Variants in EXOC4 observed in about 807,000 individuals in gnomAD.
The protein encoded by EXOC4 is exocyst complex component 4.
In EXOC4, 71 loss-of-function variants were observed where a neutral mutation model predicts 107.2. The ratio of observed to expected loss-of-function variants is 0.66; its 90% CI spans 0.55 to 0.81. The LOEUF is 0.81. EXOC4 is among the 30% of genes least tolerant of loss of function. The pLI is 0.00. For missense variants in EXOC4, 1,108 were observed against 1,189.6 expected (o/e 0.93, Z 1.01); for synonymous variants, 456 against 441.2 (o/e 1.03, Z -0.42).
the EXOC4 span, among the ~76,000 whole-genome samples, chr7:134,087,405 T>C: frequency 1.3e-5 from 2 of 152,354 alleles, no homozygotes; most frequent in East Asian, 3.9e-4. Flanking sequence ...CAAAAGATGG[T>C]ATCTGGAAGA....
Position 133,538,872 on chromosome 7 carries a change from A to C in EXOC4, c.1417+58734A>C, listed in dbSNP as rs1313250000. Among the ~76,000 whole-genome samples, 43 of 114,284 alleles carry C rather than the reference A, an allele frequency of 3.8e-4. No individual in the cohort carries two copies. In the East Asian group the frequency reaches 0.013, roughly 34 times the overall value. The allele number at this position is 114,284 out of a possible 152,430, so 75.0% of individuals were successfully genotyped here. ...GAAAGAAAGAAAGAGAGAGAGAGAG[A>C]GAGAGAGAGAGGGAGGGAGGGAGGG... On this transcript the variant is annotated intron_variant, in intron 9 of 17. Transcript: ENST00000253861.
In EXOC4 at chr7:133,569,792, G is replaced by A. The variant is rs561918541; in HGVS notation, c.1418-60253G>A. 9.2e-5 allele frequency among the ~76,000 whole-genome samples: 14 copies of A among 151,988 alleles called. 1 individual carries two copies. The South Asian group carries it at 2.9e-3, about 32-fold the overall frequency. Reference sequence around the variant, plus strand: ...AAGATGAATATTATTCTTTTCCTTCGTAATCAAATGCCCAGGTTTCCAGGC... The same window carrying A: ...AAGATGAATATTATTCTTTTCCTTCATAATCAAATGCCCAGGTTTCCAGGC... On this transcript the variant is annotated intron_variant, in intron 9 of 17. Coordinates refer to ENST00000253861, the MANE Select transcript of EXOC4 (RefSeq NM_021807.4).
chr7:133,472,767 G>A (rs899851880), intron 7 of EXOC4, among the ~76,000 whole-genome samples: 1 of 152,138 alleles, frequency 6.6e-6, no homozygotes, highest in African/African-American at 2.4e-5. Flanking sequence ...AAAAGTGTGT[G>A]TTTGCAGATT....
At chr7:133,856,749 T>G (rs1234554037) in intron 11 of EXOC4, among the ~76,000 whole-genome samples, 1 of 152,110 alleles carries the variant, frequency 6.6e-6, no homozygotes, top group African/African-American at 2.4e-5. Flanking sequence ...TGATGCCTCT[T>G]GGGCCCTACT....
chr7:133,857,325 GTATATATATATATATATATATATATATA>G (rs71162035), intron 11 of EXOC4, among the ~76,000 whole-genome samples: 1 of 2,594 alleles, frequency 3.9e-4, no homozygotes, highest in Non-Finnish European at 6.1e-4. Context: ...ATATATACAC[GTATATATATATATATATATATATATATA>G]TATATATATA....
At chr7:133,972,918 A>G (rs1236838523) in intron 14 of EXOC4, among the ~76,000 whole-genome samples, 1 of 152,228 alleles carries the variant, frequency 6.6e-6, no homozygotes, top group African/African-American at 2.4e-5. Context: ...GAACAGACAG[A>G]TACATAGTCA....
chr7:133,642,903 C>G (rs1802894068), intron 10 of EXOC4, among the ~76,000 whole-genome samples: 1 of 152,170 alleles, frequency 6.6e-6, no homozygotes, highest in Admixed American at 6.5e-5. Flanking sequence ...TGACCTTTGA[C>G]CTCCTTCATT....
chr7:133,491,806 G>A (rs1373087526), intron 9 of EXOC4, among the ~76,000 whole-genome samples: 1 of 152,130 alleles, frequency 6.6e-6, no homozygotes, highest in Admixed American at 6.6e-5. Context: ...TTACAAAGGT[G>A]GAATTCTTAC....
chr7:133,916,505 G>A (rs1261201117), intron 12 of EXOC4, among the ~76,000 whole-genome samples: 1 of 114,668 alleles, frequency 8.7e-6, no homozygotes, highest in Non-Finnish European at 1.8e-5. Context: ...CTGGCCTCAA[G>A]CAATCCTCCT....
At chr7:133,813,502 G>C (rs188166677) in intron 10 of EXOC4, among the ~76,000 whole-genome samples, 86 of 152,182 alleles carry the variant, frequency 5.7e-4, no homozygotes, top group African/African-American at 1.7e-3. Flanking sequence ...GTTTTCTTTT[G>C]GAAGGCAACC....
chr7:133,493,358 A>G (rs1799412834), intron 9 of EXOC4, among the ~76,000 whole-genome samples: 1 of 152,140 alleles, frequency 6.6e-6, no homozygotes. Flanking sequence ...AATTACGTGA[A>G]CCCAGGAGGC....
chr7:133,381,264 G>GTAA (rs56200941), intron 7 of EXOC4, among the ~76,000 whole-genome samples: 128,859 of 151,912 alleles, frequency 0.85, 54,916 homozygotes, highest in East Asian at 0.95. Flanking sequence ...ACAGTACTGA[G>GTAA]TATTAAGCTA....
intron 3 of EXOC4, 61 bp downstream of exon 3, chr7:133,289,177 TTC>T (rs2150546447): frequency 1.4e-6 from 2 of 1,444,382 alleles, no homozygotes; most frequent in East Asian, 4.7e-5. Flanking sequence ...CTCTCTTTTA[TTC>T]TCTCTGAATC....
intron 11 of EXOC4, among the ~76,000 whole-genome samples, chr7:133,885,413 C>G (rs1799063429): frequency 6.6e-6 from 1 of 152,116 alleles, no homozygotes; most frequent in South Asian, 2.1e-4. Flanking sequence ...TATACTCTCC[C>G]TCTTTTCACC....
chr7:134,051,794 G>A (rs966517971), intron 17 of EXOC4, among the ~76,000 whole-genome samples: 11 of 152,114 alleles, frequency 7.2e-5, no homozygotes, highest in African/African-American at 2.7e-4. Flanking sequence ...GACCATCCTG[G>A]CTAACACAGT....
intron 10 of EXOC4, among the ~76,000 whole-genome samples, chr7:133,637,777 TCAAAC>T (rs1236483728): frequency 2.6e-5 from 4 of 152,192 alleles, no homozygotes; most frequent in Non-Finnish European, 5.9e-5. Context: ...CTATAAACCT[TCAAAC>T]CACCTAACTT....
chr7:133,449,040 G>A (rs1313665007), intron 7 of EXOC4, among the ~76,000 whole-genome samples: 1 of 152,138 alleles, frequency 6.6e-6, no homozygotes, highest in Non-Finnish European at 1.5e-5. Context: ...TCTGGGAGGT[G>A]GAGTTTGCAG....
At chr7:133,258,975 A>T (rs1795079765) in intron 1 of EXOC4, among the ~76,000 whole-genome samples, 1 of 152,174 alleles carries the variant, frequency 6.6e-6, no homozygotes, top group Non-Finnish European at 1.5e-5. Context: ...TGTTGAGATA[A>T]TCCTTGTTGT....
chr7:133,405,559 C>A (rs1252871169), intron 7 of EXOC4, among the ~76,000 whole-genome samples: 1 of 152,082 alleles, frequency 6.6e-6, no homozygotes, highest in African/African-American at 2.4e-5. Flanking sequence ...GGCTAGTAAA[C>A]AGGAAGGAAT....
Sources: gnomAD v4.1 joint callset for allele counts (sites outside exome capture counted in the v4.1 genomes callset) on GRCh38, gnomAD v4.1.1 for gene constraint, MANE v1.5 for transcripts, NCBI Gene and HGNC (gene_info 2026-07-23, HGNC 2026-07-21) for gene names.